Variants in TRIM8 observed in about 807,000 individuals in gnomAD.
TRIM8 encodes the protein tripartite motif containing 8.
In TRIM8, 9 loss-of-function variants were observed where a neutral mutation model predicts 55.7. The observed-to-expected ratio is 0.16, with a 90% CI of 0.10 to 0.28. The LOEUF (loss-of-function observed/expected upper bound fraction) is 0.28. Ranked by LOEUF, TRIM8 falls within the 10% of genes least tolerant of loss-of-function variation. The probability of loss-of-function intolerance (pLI) is 1.00; values close to 1 mark genes in which losing one functional copy is unlikely to be tolerated. For synonymous variants in TRIM8, 335 were observed against 333.3 expected (o/e 1.01, Z -0.06); for missense variants, 556 against 736.4 (o/e 0.76, Z 2.83).
chr10:102,656,835 C>T lies in TRIM8; in HGVS notation c.1137C>T (p.His379=), dbSNP rs772844121. ...GCTCTGGGGCGGAAAAGCGCAAGCA[C>T]TCAACGGCCTTCCCAGAGGCCAGTT... ...VSSSGAEKRK[H]STAFPEASFL... Residue 379 remains histidine (H), a synonymous_variant, in exon 6 of 6, where the codon CAC becomes CAT. Coordinates refer to ENST00000643721, the MANE Select transcript of TRIM8 (RefSeq NM_030912.3). The surrounding 1 kb of genome is among the most constrained non-coding windows in gnomAD (Gnocchi z 4.6). 1.7e-5 allele frequency: 27 copies of T among 1,544,452 alleles called. No homozygotes were observed. The highest frequency in any genetic ancestry group is 2.3e-5 in the Non-Finnish European group (26 of 1,147,174).
At chr10:102,652,889 C>T (rs1346233748) in intron 1 of TRIM8, among the ~76,000 whole-genome samples, 4 of 151,200 alleles carry the variant, frequency 2.6e-5, no homozygotes, top group Non-Finnish European at 5.9e-5. Context: ...CTACAGCCTT[C>T]GTCTCCCGGG....
chr10:102,654,839 C>A, intron 2 of TRIM8, 91 bp downstream of exon 2: 1 of 1,069,362 alleles, frequency 9.4e-7, no homozygotes, highest in Non-Finnish European at 1.5e-6. Context: ...TTGTGTAGCC[C>A]TATGCCAGAA....
chr10:102,647,906 G>T (rs1431112985), intron 1 of TRIM8, among the ~76,000 whole-genome samples: 1 of 152,182 alleles, frequency 6.6e-6, no homozygotes, highest in Non-Finnish European at 1.5e-5. Flanking sequence ...ATGGGCCATA[G>T]CCTAGAGCAG....
chr10:102,648,907 G>T (rs1442155357), intron 1 of TRIM8, among the ~76,000 whole-genome samples: 1 of 152,202 alleles, frequency 6.6e-6, no homozygotes, highest in African/African-American at 2.4e-5. Context: ...GGAGCCTCAG[G>T]CAGAGGCCCA....
Position 102,645,199 on chromosome 10 carries a change from A to G in TRIM8, c.570+12A>G. The G allele has an allele frequency of 6.6e-7, 1 of 1,514,054 alleles. No homozygotes were observed. Among genetic ancestry groups the G allele is most frequent in the Non-Finnish European group, 8.8e-7 (1 of 1,135,950 alleles). The allele number at this position is 1,514,054 out of a possible 1,614,324, so 93.8% of individuals were successfully genotyped here. ...GGAATGAAATCCGGGCAAGTACCCT[A>G]CGCGCGCGCGCGCACACACACACAC... On this transcript the variant is annotated intron_variant, in intron 1 of 5. Coordinates refer to ENST00000643721, the MANE Select transcript of TRIM8 (RefSeq NM_030912.3).
chr10:102,651,065 C>G (rs531919639), intron 1 of TRIM8, among the ~76,000 whole-genome samples: 4 of 152,272 alleles, frequency 2.6e-5, no homozygotes, highest in Admixed American at 2.0e-4. Context: ...TGCAGCCCCC[C>G]GGACTCCTCC....
intron 1 of TRIM8, among the ~76,000 whole-genome samples, chr10:102,651,533 C>G (rs1337001901): frequency 6.6e-6 from 1 of 152,254 alleles, no homozygotes; most frequent in African/African-American, 2.4e-5. Flanking sequence ...TCCCCTGGGA[C>G]TCACCTGAAT....
intron 1 of TRIM8, among the ~76,000 whole-genome samples, chr10:102,646,913 AC>A (rs1341354641): frequency 6.6e-6 from 1 of 152,252 alleles, no homozygotes; most frequent in African/African-American, 2.4e-5. Flanking sequence ...GCCCGCACCC[AC>A]AGTGCTGCTG....
intron 1 of TRIM8, among the ~76,000 whole-genome samples, chr10:102,650,913 G>A (rs1375240311): frequency 1.3e-5 from 2 of 152,166 alleles, no homozygotes; most frequent in African/African-American, 2.4e-5. Flanking sequence ...GTGAACTGGG[G>A]TGGGGTCGTG....
At chr10:102,655,335 G>A in intron 3 of TRIM8, 22 bp downstream of exon 3, 1 of 1,582,484 alleles carries the variant, frequency 6.3e-7, no homozygotes, top group Non-Finnish European at 8.6e-7. Context: ...TCAGGACCAG[G>A]CTGGTGGCAC....
At position 102,656,683 on chromosome 10, in the gene TRIM8, G is replaced by A; in HGVS notation, c.1049-64G>A. On this transcript the variant is annotated intron_variant, in intron 5 of 5. Transcript: ENST00000643721. The surrounding 1 kb of genome is among the most constrained non-coding windows in gnomAD (Gnocchi z 4.6). ...GTCAATGGTCCCCAGGTCCAACCCA[G>A]GGAGAGGAGGCCTGGGTTGCTTGGG... The A allele has an allele frequency of 6.6e-7, 1 of 1,505,764 alleles. No individual in the cohort carries two copies. The highest frequency in any genetic ancestry group is 8.9e-7 in the Non-Finnish European group (1 of 1,129,348). 93.3% of individuals were successfully genotyped at this position (1,505,764 alleles called of 1,614,324 possible). A position where few individuals can be genotyped will look rare whatever the true frequency, so the allele number is the denominator to read the frequency against.
chr10:102,653,229 C>A (rs1417105551), intron 1 of TRIM8, among the ~76,000 whole-genome samples: 1 of 152,136 alleles, frequency 6.6e-6, no homozygotes, highest in Non-Finnish European at 1.5e-5. Context: ...CAGGGAGGGA[C>A]CTGCACAGGC....
At chr10:102,651,406 A>G (rs576147682) in intron 1 of TRIM8, among the ~76,000 whole-genome samples, 1 of 152,308 alleles carries the variant, frequency 6.6e-6, no homozygotes, top group Admixed American at 6.5e-5. Context: ...CTCCCTGGGC[A>G]TCAGCAAGGG....
In TRIM8 at chr10:102,644,588, GCCTGCCCCGGCCC is replaced by G. The variant is rs759319088; in HGVS notation, c.-22_-10del. On this transcript the variant is annotated 5_prime_UTR_variant, in exon 1 of 6. Transcript: ENST00000643721. Reference sequence around the variant, plus strand: ...CCCCCGGGGCTGGGGAGTCGGGGAGGCCTGCCCCGGCCCCCTGCCCGCGGCCGCCATGGCGGAG... The same window carrying G: ...CCCCCGGGGCTGGGGAGTCGGGGAGGCCTGCCCGCGGCCGCCATGGCGGAG... The G allele has an allele frequency of 1.2e-6, 2 of 1,600,794 alleles. No homozygotes were observed. Among genetic ancestry groups the G allele is most frequent in the South Asian group, 1.1e-5 (1 of 89,832 alleles).
chr10:102,651,096 A>G (rs1258092295), intron 1 of TRIM8, among the ~76,000 whole-genome samples: 1 of 152,136 alleles, frequency 6.6e-6, no homozygotes, highest in Non-Finnish European at 1.5e-5. Context: ...CCCCCTGGCC[A>G]GCCTCCTTCC....
rs768434348 is a variant in TRIM8, at chr10:102,645,102, C to T, written c.485C>T (p.Ala162Val). The T allele has an allele frequency of 2.5e-6, 4 of 1,595,088 alleles. No homozygotes were observed. Among genetic ancestry groups the T allele is most frequent in the Admixed American group, 1.7e-5 (1 of 59,616 alleles). The change falls in exon 1 of 6, where the codon GCC (alanine) becomes GTC (valine). Residue 162 changes from alanine (A) to valine (V), a missense_variant. Around this residue, in one of 2 missense-constraint regions of TRIM8, gnomAD observed 165 missense variants for 295.3 expected, o/e 0.56. Transcript: ENST00000643721. ...RLYHCEAEQV[A>V]VCQYCCYYSG... The stretch of plus-strand genomic sequence containing the variant: ...TACCACTGCGAGGCCGAGCAGGTGG[C>T]CGTGTGCCAGTACTGCTGCTACTAC...
In TRIM8 at chr10:102,655,018, G is replaced by T; in HGVS notation, c.667-62G>T. 19 of 1,565,750 alleles carry T rather than the reference G, an allele frequency of 1.2e-5. 1 individual carries two copies. In the South Asian group the frequency reaches 1.8e-4, roughly 15 times the overall value. ...TCTAGGATGTGAGAAGGGTAAGAGG[G>T]GGGGAAACCAAAGGTTTCCAGTGCT... On this transcript the variant is annotated intron_variant, in intron 2 of 5. Coordinates refer to ENST00000643721, the MANE Select transcript of TRIM8 (RefSeq NM_030912.3).
intron 2 of TRIM8, 24 bp from the exon 3 acceptor site, chr10:102,655,056 C>T (rs367615125): frequency 1.8e-5 from 29 of 1,608,046 alleles, no homozygotes; most frequent in Non-Finnish European, 2.1e-5. Context: ...CCTGCCTGCC[C>T]ACTCCTGCCC....
chr10:102,650,249 G>A (rs2135978950), intron 1 of TRIM8, among the ~76,000 whole-genome samples: 1 of 152,334 alleles, frequency 6.6e-6, no homozygotes, highest in Non-Finnish European at 1.5e-5. Flanking sequence ...AATGGCAGCT[G>A]GCCTGGCCAG....
Sources: allele counts gnomAD v4.1 joint callset (sites outside exome capture counted in the v4.1 genomes callset), GRCh38; gene constraint gnomAD v4.1.1; regional missense constraint gnomAD v4.1.1; non-coding constraint Gnocchi (gnomAD v3.1); transcripts MANE v1.5; gene names NCBI Gene and HGNC (gene_info 2026-07-23, HGNC 2026-07-21).